Variants in CHD1 observed in about 807,000 individuals in gnomAD.
CHD1 encodes the protein chromodomain helicase DNA binding protein 1.
In CHD1, 36 loss-of-function variants were observed where a neutral mutation model predicts 224.2. The observed-to-expected ratio is 0.16, with a 90% CI of 0.12 to 0.21. The LOEUF (loss-of-function observed/expected upper bound fraction) is 0.21. Ranked by LOEUF, CHD1 falls within the 10% of genes least tolerant of loss-of-function variation. The pLI is 1.00. For missense variants in CHD1, 1,378 were observed against 1,994.8 expected (o/e 0.69, Z 5.89); for synonymous variants, 668 against 658.3 (o/e 1.01, Z -0.23).
At chr5:98,920,623 C>A (rs1427958970) in intron 2 of CHD1, among the ~76,000 whole-genome samples, 3 of 152,000 alleles carry the variant, frequency 2.0e-5, no homozygotes, top group Admixed American at 6.6e-5. Context: ...ACAGAGAAAC[C>A]CTGTCTCTAC....
chr5:98,887,973 A>C, intron 17 of CHD1, 115 bp downstream of exon 17: 1 of 587,510 alleles, frequency 1.7e-6, no homozygotes, highest in Non-Finnish European at 2.6e-6. Context: ...TTTTTAAAGA[A>C]AAAGTACAGT....
At chr5:98,864,099 G>A (rs1748677186) in intron 31 of CHD1, among the ~76,000 whole-genome samples, 1 of 152,132 alleles carries the variant, frequency 6.6e-6, no homozygotes, top group African/African-American at 2.4e-5. Flanking sequence ...TTGGGGAGTA[G>A]AGGGTCAAAG....
At chr5:98,889,314 CAAAA>C (rs1280427502) in intron 15 of CHD1, 76 bp from the exon 16 acceptor site, 1 of 1,097,340 alleles carries the variant, frequency 9.1e-7, no homozygotes, top group Non-Finnish European at 1.3e-6. Context: ...TTAAAACAAA[CAAAA>C]AAAGCCAACG....
In CHD1 at chr5:98,888,222, C is replaced by T. The variant is rs778281967; in HGVS notation, c.2362G>A (p.Gly788Arg). The change falls in exon 17 of 36, where the codon GGA becomes AGA. Residue 788 changes from glycine (G) to arginine (R), a missense_variant. Gly to Arg is a moderately radical substitution (Grantham distance 125). This residue lies in a region of CHD1 where 58 missense variants were observed against 90.0 expected (regional missense o/e 0.64). Coordinates refer to ENST00000614616, the MANE Select transcript of CHD1 (RefSeq NM_001270.4). ...EALQHLIRSS[G>R]KLILLDKLLI... is the part of the protein sequence containing the mutation. ...AGCTTGTCAAGAAGAATCAATTTTC[C>T]GCTACTACGAATTAAGTGCTACAGA... 8 of 1,607,530 alleles carry T rather than the reference C, an allele frequency of 5.0e-6. No individual in the cohort carries two copies. The highest frequency in any genetic ancestry group is 2.2e-5 in the South Asian group (2 of 89,454).
chr5:98,858,555 G>A, intron 34 of CHD1, 165 bp from the exon 35 acceptor site: 1 of 567,042 alleles, frequency 1.8e-6, no homozygotes, highest in African/African-American at 1.9e-5. Context: ...GCAGTACTAA[G>A]GATTAATTAA....
In CHD1 at chr5:98,863,554, A is replaced by C. The variant is rs751296619; in HGVS notation, c.4281T>G (p.Ala1427=). The C allele has an allele frequency of 1.2e-6, 2 of 1,608,646 alleles. No individual in the cohort carries two copies. The highest frequency in any genetic ancestry group is 2.2e-5 in the South Asian group (2 of 89,924). The stretch of plus-strand genomic sequence containing the variant: ...TCTCAGGCCTATCAAGTTGTTTCAA[A>C]GCTGCTTTAACAGGCCTCATTCTTT... ...CKERMRPVKA[A]LKQLDRPEKG... The change falls in exon 32 of 36, where the codon GCT becomes GCG. Residue 1427 remains alanine (A), a synonymous_variant. Coordinates refer to ENST00000614616, the MANE Select transcript of CHD1 (RefSeq NM_001270.4).
intron 2 of CHD1, among the ~76,000 whole-genome samples, chr5:98,915,243 T>C (rs1485046475): frequency 6.6e-6 from 1 of 152,236 alleles, no homozygotes; most frequent in Admixed American, 6.5e-5. Context: ...GTTCCACTGC[T>C]TTGTTAAGCA....
At chr5:98,880,096 C>T (rs928946211) in intron 22 of CHD1, among the ~76,000 whole-genome samples, 3 of 152,200 alleles carry the variant, frequency 2.0e-5, no homozygotes, top group African/African-American at 7.2e-5. Context: ...AATCTAATAT[C>T]ATTTTTATGG....
At chr5:98,905,687 C>CA (rs1434256848) in intron 2 of CHD1, among the ~76,000 whole-genome samples, 1 of 152,132 alleles carries the variant, frequency 6.6e-6, no homozygotes, top group Non-Finnish European at 1.5e-5. Flanking sequence ...CTGAGAAAAT[C>CA]ACTTATTAAT....
intron 26 of CHD1, 128 bp downstream of exon 26, chr5:98,873,460 GCTTTA>G (rs1749516783): frequency 3.0e-6 from 2 of 662,314 alleles, no homozygotes; most frequent in South Asian, 3.9e-5. Flanking sequence ...ACCCAGAATA[GCTTTA>G]CTTTGTTTTA....
At chr5:98,859,067 C>G in intron 33 of CHD1, 52 bp from the exon 34 acceptor site, 1 of 1,346,276 alleles carries the variant, frequency 7.4e-7, no homozygotes, top group African/African-American at 1.5e-5. Context: ...CACAAACTTA[C>G]AAAAAAGCAC....
intron 2 of CHD1, among the ~76,000 whole-genome samples, chr5:98,925,336 A>C (rs891000870): frequency 1.3e-5 from 2 of 152,290 alleles, no homozygotes; most frequent in Middle Eastern, 3.4e-3. Context: ...AGTTCAAGTG[A>C]TCCTCCTTCC....
At chr5:98,871,767 A>C (rs965579961) in intron 28 of CHD1, among the ~76,000 whole-genome samples, 1 of 152,164 alleles carries the variant, frequency 6.6e-6, no homozygotes, top group South Asian at 2.1e-4. Flanking sequence ...ATGCATCAAA[A>C]ATTTTTTTAA....
intron 13 of CHD1, 82 bp from the exon 14 acceptor site, chr5:98,893,688 T>A (rs1751165671): frequency 3.6e-6 from 3 of 826,920 alleles, no homozygotes; most frequent in Admixed American, 2.9e-5. Flanking sequence ...ACTCAATTAT[T>A]AAAATGAAAT....
rs1231437588 is a variant in CHD1 at position 98,856,856 on chromosome 5, T to TA, written c.4788-132dup. On this transcript the variant is annotated intron_variant, in intron 35 of 35. Transcript: ENST00000614616. ...TGTATAGAAATTCAGTGTTGCATTA[T>TA]AAAACTTACTTAATTAACTCAAAAA... The TA allele has an allele frequency of 4.7e-6, 3 of 640,020 alleles. No homozygotes were observed. The East Asian group carries it at 8.3e-5, about 18-fold the overall frequency. 39.6% of individuals were successfully genotyped at this position (640,020 alleles called of 1,614,324 possible). A position where few individuals can be genotyped will look rare whatever the true frequency, so the allele number is the denominator to read the frequency against.
Position 98,926,381 on chromosome 5 carries a change from A to C in CHD1, c.6T>G (p.Asn2Lys), listed in dbSNP as rs747445027. MNGHSDEESVRN... is the reference protein window; with the variant it reads MKGHSDEESVRN... ...TAACACTTTCTTCATCACTGTGTCC[A>C]TTCATTGTAAATTATTATCAAGAAG... Residue 2 changes from asparagine (N) to lysine (K), a missense_variant, in exon 2 of 36, where the codon AAT becomes AAG. Physicochemically the swap from Asn to Lys is moderately conservative, Grantham distance 94. This residue lies in a region of CHD1 where 306 missense variants were observed against 298.1 expected (regional missense o/e 1.03). Coordinates refer to ENST00000614616, the MANE Select transcript of CHD1 (RefSeq NM_001270.4). The C allele has an allele frequency of 1.3e-5, 19 of 1,494,424 alleles. No homozygotes were observed. Among genetic ancestry groups the C allele is most frequent in the Non-Finnish European group, 1.3e-5 (15 of 1,113,940 alleles). The allele number at this position is 1,494,424 out of a possible 1,614,324, so 92.6% of individuals were successfully genotyped here.
At chr5:98,915,603 G>A (rs541811645) in intron 2 of CHD1, among the ~76,000 whole-genome samples, 19 of 152,220 alleles carry the variant, frequency 1.2e-4, no homozygotes, top group South Asian at 4.1e-4. Context: ...TAGTATCAAT[G>A]ACATGAATGA....
intron 17 of CHD1, 96 bp from the exon 18 acceptor site, chr5:98,885,745 G>T (rs1750609143): frequency 1.3e-6 from 1 of 744,598 alleles, no homozygotes; most frequent in African/African-American, 1.8e-5. Flanking sequence ...TGTGAAGCAT[G>T]TCCTTTGCTA....
At chr5:98,906,792 A>C (rs1051208360) in intron 2 of CHD1, among the ~76,000 whole-genome samples, 1 of 152,204 alleles carries the variant, frequency 6.6e-6, no homozygotes, top group African/African-American at 2.4e-5. Context: ...AGTTCTATTA[A>C]ATTATTCTGC....
Sources: allele counts gnomAD v4.1 joint callset (sites outside exome capture counted in the v4.1 genomes callset), GRCh38; gene constraint gnomAD v4.1.1; regional missense constraint gnomAD v4.1.1; transcripts MANE v1.5; gene names NCBI Gene and HGNC (gene_info 2026-07-23, HGNC 2026-07-21).